Variants in ATP11B observed in about 807,000 individuals in gnomAD.
ATP11B encodes the protein ATPase phospholipid transporting 11B (putative).
Under a neutral mutation model 157.8 loss-of-function variants are expected in ATP11B, and 81 were observed. The observed-to-expected ratio is 0.51, with a 90% confidence interval of 0.43 to 0.62. The LOEUF (loss-of-function observed/expected upper bound fraction) is 0.62. Ranked by LOEUF, ATP11B falls within the 20% of genes least tolerant of loss-of-function variation. ATP11B has a pLI of 0.00. For synonymous variants in ATP11B, 451 were observed against 469.4 expected, an observed-to-expected ratio of 0.96 and a Z score of 0.51; for missense variants, 1,165 against 1,402.2, an observed-to-expected ratio of 0.83 and a Z score of 2.70.
chr3:182,830,489 A>T (rs1718053521), intron 4 of ATP11B, among the ~76,000 whole-genome samples: 1 of 152,232 alleles, frequency 6.6e-6, no homozygotes. Flanking sequence ...CATATAGAAT[A>T]AGAAGGAAAT....
chr3:182,815,547 C>CTT (rs768170519), intron 1 of ATP11B, among the ~76,000 whole-genome samples: 9 of 152,110 alleles, frequency 5.9e-5, no homozygotes, highest in Non-Finnish European at 1.0e-4. Flanking sequence ...GCAAAAATCA[C>CTT]TTTCTGTCAT....
At chr3:182,915,680 C>T (rs1039206349) in intron 29 of ATP11B, 2 of 975,578 alleles carry the variant, frequency 2.1e-6, no homozygotes, top group Non-Finnish European at 1.2e-6. Context: ...TACATATATC[C>T]ATTTTCTTGA....
At chr3:182,899,129 A>C (rs1011257068) in intron 28 of ATP11B, among the ~76,000 whole-genome samples, 1 of 150,688 alleles carries the variant, frequency 6.6e-6, no homozygotes, top group Non-Finnish European at 1.5e-5. Flanking sequence ...CCATGTCTTT[A>C]GAAACATCAG....
Position 182,913,943 on chromosome 3 carries a change from G to A in ATP11B, c.3401G>A (p.Gly1134Glu). Residue 1134 changes from glycine (G) to glutamate (E), a missense_variant, in exon 29 of 30, where the codon GGA becomes GAA. Around this residue, in one of 4 missense-constraint regions of ATP11B, gnomAD observed 303 missense variants for 296.3 expected, o/e 1.02. Coordinates refer to ENST00000323116, the MANE Select transcript of ATP11B (RefSeq NM_014616.3). ...PEGEAACASV[G>E]RMLERVIGRC... ...GGAGAAGCAGCGTGTGCATCTGTTG[G>A]AAGAATGCTGGAACGAGTTATAGGA... 1 of 1,614,140 alleles carries A rather than the reference G, an allele frequency of 6.2e-7. No individual in the cohort carries two copies. The highest frequency in any genetic ancestry group is 8.5e-7 in the Non-Finnish European group (1 of 1,179,980).
intron 1 of ATP11B, among the ~76,000 whole-genome samples, chr3:182,807,750 C>T (rs1174663469): frequency 1.3e-5 from 2 of 152,058 alleles, no homozygotes; most frequent in Non-Finnish European, 2.9e-5. Flanking sequence ...TGATTTAATG[C>T]TATTTTAGTC....
intron 1 of ATP11B, among the ~76,000 whole-genome samples, chr3:182,796,362 T>G (rs1348113954): frequency 6.6e-6 from 1 of 152,224 alleles, no homozygotes; most frequent in Non-Finnish European, 1.5e-5. Flanking sequence ...AATACCTTGA[T>G]TATAATTATG....
At chr3:182,871,610 A>T (rs1425877847) in intron 17 of ATP11B, among the ~76,000 whole-genome samples, 1 of 152,174 alleles carries the variant, frequency 6.6e-6, no homozygotes, top group Non-Finnish European at 1.5e-5. Flanking sequence ...GCTTTAGAAA[A>T]TTGTACGAAG....
At chr3:182,815,327 G>A (rs1319532177) in intron 1 of ATP11B, among the ~76,000 whole-genome samples, 3 of 152,172 alleles carry the variant, frequency 2.0e-5, no homozygotes, top group Non-Finnish European at 4.4e-5. Context: ...TGTTAACAGT[G>A]TCACATTATC....
chr3:182,885,489 G>A (rs1403025415), intron 22 of ATP11B, among the ~76,000 whole-genome samples: 1 of 151,998 alleles, frequency 6.6e-6, no homozygotes, highest in Non-Finnish European at 1.5e-5. Context: ...TAAGATGATG[G>A]CAGTTTTTTT....
intron 19 of ATP11B, 40 bp downstream of exon 19, chr3:182,874,055 A>G (rs1415332005): frequency 1.3e-6 from 2 of 1,574,310 alleles, no homozygotes; most frequent in Admixed American, 3.5e-5. Context: ...TTCAGGGGTT[A>G]GCAAACTATG....
chr3:182,807,332 T>C (rs1407601803), intron 1 of ATP11B, among the ~76,000 whole-genome samples: 1 of 152,044 alleles, frequency 6.6e-6, no homozygotes, highest in African/African-American at 2.4e-5. Flanking sequence ...GGTGACAAGT[T>C]TGTAGAGGAA....
rs1725370306 is a variant in ATP11B at position 182,920,071 on chromosome 3, A to G, written c.*1967A>G. 6.6e-6 allele frequency: 1 copy of G among 152,190 alleles called. No individual in the cohort carries two copies. Among genetic ancestry groups the G allele is most frequent in the South Asian group, 2.1e-4 (1 of 4,834 alleles). The allele number at this position is 152,190 out of a possible 1,614,324, so 9.4% of individuals were successfully genotyped here. A position where few individuals can be genotyped will look rare whatever the true frequency, so the allele number is the denominator to read the frequency against. Reference sequence around the variant, plus strand: ...ATGACACCCAGTAGGCCTGCATTACATTTACATGACCGTGTTTATTTGCCA... The same window carrying G: ...ATGACACCCAGTAGGCCTGCATTACGTTTACATGACCGTGTTTATTTGCCA... On this transcript the variant is annotated 3_prime_UTR_variant, in exon 30 of 30. Coordinates refer to ENST00000323116, the MANE Select transcript of ATP11B (RefSeq NM_014616.3).
chr3:182,917,897 C>T, intron 29 of ATP11B, 126 bp from the exon 30 acceptor site: 2 of 1,376,748 alleles, frequency 1.5e-6, no homozygotes, highest in South Asian at 4.1e-5. Flanking sequence ...GTATGAAGAA[C>T]CTCTCTTTAG....
At chr3:182,897,493 T>C (rs1422860351) in intron 27 of ATP11B, 87 bp downstream of exon 27, 3 of 960,398 alleles carry the variant, frequency 3.1e-6, no homozygotes, top group East Asian at 2.9e-5. Context: ...CATATTCTGC[T>C]CATAACAGAT....
chr3:182,879,388 G>A, intron 19 of ATP11B, 108 bp from the exon 20 acceptor site: 1 of 932,694 alleles, frequency 1.1e-6, no homozygotes, highest in Non-Finnish European at 1.5e-6. Flanking sequence ...AACAGTAAGG[G>A]CTGTGGGTAA....
At chr3:182,839,140 A>G (rs1348127574) in intron 7 of ATP11B, among the ~76,000 whole-genome samples, 1 of 152,212 alleles carries the variant, frequency 6.6e-6, no homozygotes, top group Non-Finnish European at 1.5e-5. Context: ...AGGAACATGG[A>G]TAGAGCTGGA....
At chr3:182,797,501 A>G (rs994834596) in intron 1 of ATP11B, among the ~76,000 whole-genome samples, 1 of 152,186 alleles carries the variant, frequency 6.6e-6, no homozygotes, top group African/African-American at 2.4e-5. Flanking sequence ...TGAGGTCAGG[A>G]GTTCGAGACC....
chr3:182,903,327 T>G (rs1285896583), intron 28 of ATP11B, among the ~76,000 whole-genome samples: 3 of 152,164 alleles, frequency 2.0e-5, no homozygotes, highest in Non-Finnish European at 4.4e-5. Context: ...TAATCACGTA[T>G]TTTTTAAATT....
rs941473308 is a variant in ATP11B at position 182,920,734 on chromosome 3, G to C, written c.*2630G>C. On this transcript the variant is annotated 3_prime_UTR_variant, in exon 30 of 30. Coordinates refer to ENST00000323116, the MANE Select transcript of ATP11B (RefSeq NM_014616.3). Reference sequence around the variant, plus strand: ...CAGCACCCTGCCTCAGCTTCAGCAGGCGTAGGCTCACCCTGGGCGGAGCAA... The same window carrying C: ...CAGCACCCTGCCTCAGCTTCAGCAGCCGTAGGCTCACCCTGGGCGGAGCAA... The C allele has an allele frequency of 6.6e-6, 1 of 152,220 alleles. No individual in the cohort carries two copies. Among genetic ancestry groups the C allele is most frequent in the Non-Finnish European group, 1.5e-5 (1 of 68,084 alleles). The allele number at this position is 152,220 out of a possible 1,614,324, so 9.4% of individuals were successfully genotyped here. A position where few individuals can be genotyped will look rare whatever the true frequency, so the allele number is the denominator to read the frequency against.
Sources: gnomAD v4.1 joint callset for allele counts (sites outside exome capture counted in the v4.1 genomes callset) on GRCh38, gnomAD v4.1.1 for gene constraint, gnomAD v4.1.1 regional missense constraint, MANE v1.5 for transcripts, NCBI Gene and HGNC (gene_info 2026-07-23, HGNC 2026-07-21) for gene names.